Variants in PRAP1 observed in about 807,000 individuals in gnomAD.
PRAP1 encodes proline-rich acidic protein 1.
PRAP1 carries 12 observed loss-of-function variants against 14.6 expected under a neutral mutation model. The observed-to-expected ratio is 0.82, with a 90% CI of 0.53 to 1.33. The LOEUF is 1.33. Ranked by LOEUF, PRAP1 falls within the 40% of genes most tolerant of loss-of-function variation. PRAP1 has a pLI of 0.00. For synonymous variants in PRAP1, 81 were observed against 80.3 expected (o/e 1.01, Z -0.04); for missense variants, 160 against 193.7 (o/e 0.83, Z 1.03).
At chr10:133,350,037 T>C (rs1247266224) in intron 1 of PRAP1, 58 bp from the exon 2 acceptor site, 71 of 1,525,722 alleles carry the variant, frequency 4.7e-5, no homozygotes, top group Non-Finnish European at 3.1e-5. Flanking sequence ...GGGTGCTGCC[T>C]GGAGTTCAGG....
chr10:133,351,982 G>A lies in PRAP1; in HGVS notation c.129-25G>A. On this transcript the variant is annotated intron_variant, in intron 3 of 4. Coordinates refer to ENST00000433452, the MANE Select transcript of PRAP1 (RefSeq NM_145202.5). This position sits in a 1 kb window ranked among gnomAD's most constrained non-coding sequence, Gnocchi z 4.3. ...CTGTCCACCTCCCCCACCTGCATGT[G>A]GACCTGACCAAACTGTGCCAGCAGG... The A allele has an allele frequency of 6.2e-7, 1 of 1,609,936 alleles. No individual in the cohort carries two copies. Among genetic ancestry groups the A allele is most frequent in the Non-Finnish European group, 8.5e-7 (1 of 1,179,236 alleles).
chr10:133,352,303 C>A lies in PRAP1; in HGVS notation c.319C>A (p.Pro107Thr), dbSNP rs745363562. 6.2e-7 allele frequency: 1 copy of A among 1,613,142 alleles called. No individual in the cohort carries two copies. Among genetic ancestry groups the A allele is most frequent in the South Asian group, 1.1e-5 (1 of 91,084 alleles). The change falls in exon 5 of 5, where the codon CCC becomes ACC. Residue 107 changes from proline to threonine, a missense_variant. Coordinates refer to ENST00000433452, the MANE Select transcript of PRAP1 (RefSeq NM_145202.5). The part of the protein sequence containing the change: ...DTLGHVLSPE[P>T]DHDSLYHPPP... ...CCTGGGCCATGTCCTGAGTCCCGAG[C>A]CCGACCATGACAGCCTGTACCACCC...
rs577439604 is a variant in PRAP1, at chr10:133,347,410, C to T, written c.-8C>T. 2.5e-6 allele frequency: 4 copies of T among 1,612,846 alleles called. No homozygotes were observed. Among genetic ancestry groups the T allele is most frequent in the East Asian group, 2.2e-5 (1 of 44,800 alleles). On this transcript the variant is annotated 5_prime_UTR_variant, in exon 1 of 5. Coordinates refer to ENST00000433452, the MANE Select transcript of PRAP1 (RefSeq NM_145202.5). This position sits in a 1 kb window ranked among gnomAD's most constrained non-coding sequence, Gnocchi z 5.0. ...TGAGCACTCTCTACAGAGACGCGGA[C>T]CCCAGACATGAGGAGGTAATGCCAC...
At chr10:133,348,574 C>T (rs1470468490) in intron 1 of PRAP1, among the ~76,000 whole-genome samples, 2 of 151,414 alleles carry the variant, frequency 1.3e-5, no homozygotes, top group African/African-American at 2.4e-5. Flanking sequence ...ACTGCAGTGG[C>T]GCCATCTTGG....
intron 1 of PRAP1, among the ~76,000 whole-genome samples, chr10:133,348,950 T>C (rs4838724): frequency 0.93 from 141,231 of 151,682 alleles, 66,509 homozygotes; most frequent in Non-Finnish European, 1. Context: ...TGTGAACCAC[T>C]GCGCCTGCCC....
At chr10:133,349,987 C>A in intron 1 of PRAP1, 108 bp from the exon 2 acceptor site, 1 of 952,946 alleles carries the variant, frequency 1.0e-6, no homozygotes, top group Non-Finnish European at 1.6e-6. Context: ...ACCTGCGCTC[C>A]CAAGGAGGAA....
In PRAP1 at chr10:133,352,534, C is replaced by T; in HGVS notation, c.*94C>T. On this transcript the variant is annotated 3_prime_UTR_variant, in exon 5 of 5. Transcript: ENST00000433452. ...ACCCTGCCCCAGCTAGACAAATAAA[C>T]CCCAGCAGGCCGGGCGCGGTGGCTC... The T allele has an allele frequency of 8.8e-7, 1 of 1,139,580 alleles. No homozygotes were observed. Among genetic ancestry groups the T allele is most frequent in the South Asian group, 1.5e-5 (1 of 67,136 alleles). 70.6% of individuals were successfully genotyped at this position (1,139,580 alleles called of 1,614,324 possible).
At chr10:133,350,400 G>T (rs1848658272) in intron 2 of PRAP1, among the ~76,000 whole-genome samples, 2 of 152,142 alleles carry the variant, frequency 1.3e-5, no homozygotes, top group African/African-American at 4.8e-5. Flanking sequence ...CTAGGTGGAT[G>T]ATGTGGGTCC....
Position 133,350,101 on chromosome 10 carries a change from C to T in PRAP1, c.15C>T (p.Leu5=). The stretch of plus-strand genomic sequence containing the variant: ...CTCTCTGGCCCCCCCTCAGGCTCCT[C>T]CTGGTCACCAGCCTGGTGGTTGTGC... MRRL[L]LVTSLVVVLL... is the part of the protein sequence containing the mutation. The change falls in exon 2 of 5, where the codon CTC becomes CTT. Residue 5 remains leucine, a synonymous_variant. Coordinates refer to ENST00000433452, the MANE Select transcript of PRAP1 (RefSeq NM_145202.5). The T allele has an allele frequency of 6.2e-7, 1 of 1,613,552 alleles. No individual in the cohort carries two copies. Among genetic ancestry groups the T allele is most frequent in the Non-Finnish European group, 8.5e-7 (1 of 1,179,802 alleles).
intron 4 of PRAP1, 26 bp downstream of exon 4, chr10:133,352,166 G>A (rs1485930803): frequency 1.9e-5 from 31 of 1,612,458 alleles, no homozygotes; most frequent in Non-Finnish European, 2.6e-5. Flanking sequence ...CAGCAGCAGA[G>A]TCCGCTCGTG....
In PRAP1 at chr10:133,352,630, C is replaced by G. The variant is rs1848701101; in HGVS notation, c.*190C>G. On this transcript the variant is annotated 3_prime_UTR_variant, in exon 5 of 5. Transcript: ENST00000433452. ...CCTGAAATCAGGAGTTCCAGACCAG[C>G]CTGGGCAACATGGTGAAACCCCGTC... 1 of 566,056 alleles carries G rather than the reference C, an allele frequency of 1.8e-6. No homozygotes were observed. The highest frequency in any genetic ancestry group is 3.2e-6 in the Non-Finnish European group (1 of 316,652). The allele number at this position is 566,056 out of a possible 1,614,324, so 35.1% of individuals were successfully genotyped here.
Position 133,352,545 on chromosome 10 carries a change from C to G in PRAP1, c.*105C>G. ...GCTAGACAAATAAACCCCAGCAGGC[C>G]GGGCGCGGTGGCTCACCTCTGTAAT... On this transcript the variant is annotated 3_prime_UTR_variant, in exon 5 of 5. Coordinates refer to ENST00000433452, the MANE Select transcript of PRAP1 (RefSeq NM_145202.5). 9.8e-7 allele frequency: 1 copy of G among 1,018,276 alleles called. No individual in the cohort carries two copies. Among genetic ancestry groups the G allele is most frequent in the Non-Finnish European group, 1.4e-6 (1 of 691,024 alleles). 63.1% of individuals were successfully genotyped at this position (1,018,276 alleles called of 1,614,324 possible).
rs372784990 is a variant in PRAP1 at position 133,351,441 on chromosome 10, C to T, written c.128+8C>T. The T allele has an allele frequency of 1.5e-5, 24 of 1,599,400 alleles. No individual in the cohort carries two copies. The African/African-American group carries it at 2.3e-4, about 15-fold the overall frequency. Reference sequence around the variant, plus strand: ...AGAGCAGGACCCAGAGAAGTAAGTCCCCCCAACCCCACCTCCCCACCACCC... The same window carrying T: ...AGAGCAGGACCCAGAGAAGTAAGTCTCCCCAACCCCACCTCCCCACCACCC... On this transcript the variant is annotated splice_region_variant and intron_variant, in intron 3 of 4. Coordinates refer to ENST00000433452, the MANE Select transcript of PRAP1 (RefSeq NM_145202.5). This position sits in a 1 kb window ranked among gnomAD's most constrained non-coding sequence, Gnocchi z 4.3.
In PRAP1 at chr10:133,352,238, T is replaced by C. The variant is rs200447244; in HGVS notation, c.263-9T>C. 8.7e-6 allele frequency: 14 copies of C among 1,612,518 alleles called. No homozygotes were observed. The Admixed American group carries it at 2.3e-4, about 27-fold the overall frequency. ...AACTGAGACTATACCTTCATGTGCT[T>C]GTCCCTAGGCACCAAGGCCTGGATG... On this transcript the variant is annotated splice_polypyrimidine_tract_variant and intron_variant, in intron 4 of 4. Transcript: ENST00000433452.
chr10:133,350,090 C>G lies in PRAP1; in HGVS notation c.9-5C>G, dbSNP rs773574338. ...CTCACACTTCCCTCTCTGGCCCCCCCTCAGGCTCCTCCTGGTCACCAGCCT... is the reference window on the plus strand; with the variant it reads ...CTCACACTTCCCTCTCTGGCCCCCCGTCAGGCTCCTCCTGGTCACCAGCCT... On this transcript the variant is annotated splice_region_variant and splice_polypyrimidine_tract_variant and intron_variant, in intron 1 of 4. Transcript: ENST00000433452. 13 of 1,613,090 alleles carry G rather than the reference C, an allele frequency of 8.1e-6. 1 individual carries two copies. The highest frequency in any genetic ancestry group is 5.0e-5 in the Admixed American group (3 of 59,948).
intron 1 of PRAP1, 72 bp from the exon 2 acceptor site, chr10:133,350,023 A>C: frequency 7.5e-7 from 1 of 1,340,110 alleles, no homozygotes; most frequent in Non-Finnish European, 1.0e-6. Context: ...CCAGCTGCCC[A>C]TCAGGGTGCT....
At position 133,352,366 on chromosome 10, in the gene PRAP1, T is replaced by G. The variant is rs768494179; in HGVS notation, c.382T>G (p.Leu128Val). ...EEDQGEERPRLWVMPNHQVLL... is the reference protein window; with the variant it reads ...EEDQGEERPRVWVMPNHQVLL... ...GGACCAGGGCGAGGAGAGGCCCCGGTTGTGGGTGATGCCAAATCACCAGGT... is the reference window on the plus strand; with the variant it reads ...GGACCAGGGCGAGGAGAGGCCCCGGGTGTGGGTGATGCCAAATCACCAGGT... Residue 128 changes from leucine to valine, a missense_variant, in exon 5 of 5, where the codon TTG (leucine) becomes GTG (valine). By Grantham distance (32) the Leu-to-Val change is conservative. Coordinates refer to ENST00000433452, the MANE Select transcript of PRAP1 (RefSeq NM_145202.5). 1 of 1,612,884 alleles carries G rather than the reference T, an allele frequency of 6.2e-7. No homozygotes were observed. The highest frequency in any genetic ancestry group is 1.3e-5 in the African/African-American group (1 of 74,940).
chr10:133,351,334 C>T lies in PRAP1; in HGVS notation c.76-47C>T, dbSNP rs773374744. On this transcript the variant is annotated intron_variant, in intron 2 of 4. Coordinates refer to ENST00000433452, the MANE Select transcript of PRAP1 (RefSeq NM_145202.5). This position sits in a 1 kb window ranked among gnomAD's most constrained non-coding sequence, Gnocchi z 4.3. ...GAGCAACCTCTCCCCAGGTGTCCTC[C>T]ACCCGCGTGGACTGTGGCCCAGCCC... The T allele has an allele frequency of 5.1e-6, 8 of 1,557,684 alleles. No homozygotes were observed. The highest frequency in any genetic ancestry group is 6.2e-6 in the Non-Finnish European group (7 of 1,138,140).
rs536169077 is a variant in PRAP1, at chr10:133,349,785, C to G, written c.9-310C>G. Among the ~76,000 whole-genome samples the G allele has an allele frequency of 2.0e-5, 3 of 152,306 alleles. No individual in the cohort carries two copies. In the East Asian group the frequency reaches 5.8e-4, roughly 29 times the overall value. On this transcript the variant is annotated intron_variant, in intron 1 of 4. Coordinates refer to ENST00000433452, the MANE Select transcript of PRAP1 (RefSeq NM_145202.5). ...CGTGGAGGGCGGCACAGAGGCATGGCAGAACCTCTGGAGTTTCCAAGCCAA... is the reference window on the plus strand; with the variant it reads ...CGTGGAGGGCGGCACAGAGGCATGGGAGAACCTCTGGAGTTTCCAAGCCAA...
Sources: gnomAD v4.1 joint callset for allele counts (sites outside exome capture counted in the v4.1 genomes callset) on GRCh38, gnomAD v4.1.1 for gene constraint, Gnocchi (gnomAD v3.1) non-coding constraint, MANE v1.5 for transcripts, NCBI Gene and HGNC (gene_info 2026-07-23, HGNC 2026-07-21) for gene names.